Variants in NTF3 observed in about 807,000 individuals in gnomAD.
NTF3 encodes the protein neurotrophin 3.
NTF3 carries 8 observed loss-of-function variants against 26.3 expected under a neutral mutation model. The observed-to-expected ratio is 0.30, with a 90% CI of 0.18 to 0.55. The LOEUF is 0.55. Among genes scored for constraint, NTF3 ranks in the 20% least tolerant of loss-of-function variants. The probability of loss-of-function intolerance (pLI) is 0.93; values close to 1 mark genes in which losing one functional copy is unlikely to be tolerated. For missense variants in NTF3, 276 were observed against 352.9 expected (o/e 0.78, Z 1.75); for synonymous variants, 154 against 145.5 (o/e 1.06, Z -0.42).
chr12:5,476,808 A>G (rs1378542347), intron 1 of NTF3, among the ~76,000 whole-genome samples: 1 of 152,202 alleles, frequency 6.6e-6, no homozygotes, highest in African/African-American at 2.4e-5. Context: ...TAATATAAGG[A>G]GAGAAAGCCT....
intron 1 of NTF3, among the ~76,000 whole-genome samples, chr12:5,439,423 G>A (rs1940210920): frequency 6.6e-6 from 1 of 152,200 alleles, no homozygotes; most frequent in Non-Finnish European, 1.5e-5. Context: ...TTATGTCTGT[G>A]ATGTCATCCA....
chr12:5,443,574 G>C lies in NTF3; in HGVS notation c.18+11232G>C, dbSNP rs370533117. ...TGCATGGTGCTTTGCGTCCAAGATA[G>C]CTACCCCAAAAGAAATTGTATTAGT... On this transcript the variant is annotated intron_variant, in intron 1 of 1. Transcript: ENST00000423158. Among the ~76,000 whole-genome samples, 3 of 152,282 alleles carry C rather than the reference G, an allele frequency of 2.0e-5. No homozygotes were observed. In the South Asian group the frequency reaches 6.2e-4, roughly 32 times the overall value.
chr12:5,492,501 A>C (rs1940950246), intron 1 of NTF3, among the ~76,000 whole-genome samples: 1 of 152,230 alleles, frequency 6.6e-6, no homozygotes, highest in Admixed American at 6.5e-5. Flanking sequence ...ATATTGAAGA[A>C]AATGTCACTT....
intron 1 of NTF3, among the ~76,000 whole-genome samples, chr12:5,435,829 T>C (rs1358457670): frequency 6.6e-6 from 1 of 151,710 alleles, no homozygotes; most frequent in African/African-American, 2.4e-5. Flanking sequence ...GGGGTGGGTA[T>C]GCATGCAGGT....
Position 5,464,749 on chromosome 12 carries a change from T to G in NTF3, c.19-29445T>G, listed in dbSNP as rs1215036278. Among the ~76,000 whole-genome samples the G allele has an allele frequency of 2.6e-5, 4 of 152,212 alleles. No homozygotes were observed. The East Asian group carries it at 5.8e-4, about 22-fold the overall frequency. ...TCTCTCTTACTTGCACTTACATGAA[T>G]TCATATGAATTCAGTATTACATGAG... On this transcript the variant is annotated intron_variant, in intron 1 of 1. Transcript: ENST00000423158.
At chr12:5,477,990 G>A (rs1044574491) in intron 1 of NTF3, among the ~76,000 whole-genome samples, 4 of 152,150 alleles carry the variant, frequency 2.6e-5, no homozygotes, top group Admixed American at 6.5e-5. Context: ...GACTGCTTTC[G>A]TCTCAAAGCA....
chr12:5,452,894 G>A (rs916753460), intron 1 of NTF3, among the ~76,000 whole-genome samples: 2 of 151,964 alleles, frequency 1.3e-5, no homozygotes, highest in African/African-American at 4.8e-5. Context: ...TCCCCACCCC[G>A]ACCTTACAGC....
Position 5,432,250 on chromosome 12 carries a change from G to A in NTF3, c.-75G>A. ...GGGTAGTGGCTGCGGCGGGGTGGGG[G>A]AGACTTTGAATGACCGAGCTCGCGT... On this transcript the variant is annotated 5_prime_UTR_variant, in exon 1 of 2. Transcript: ENST00000423158. The A allele has an allele frequency of 6.5e-7, 1 of 1,527,816 alleles. No individual in the cohort carries two copies. The highest frequency in any genetic ancestry group is 9.1e-7 in the Non-Finnish European group (1 of 1,103,672). The allele number at this position is 1,527,816 out of a possible 1,614,324, so 94.6% of individuals were successfully genotyped here. A position where few individuals can be genotyped will look rare whatever the true frequency, so the allele number is the denominator to read the frequency against.
chr12:5,438,875 C>T (rs949606544), intron 1 of NTF3, among the ~76,000 whole-genome samples: 3 of 152,190 alleles, frequency 2.0e-5, no homozygotes, highest in Non-Finnish European at 4.4e-5. Context: ...TGTAGGATTC[C>T]ACAGTAGCCA....
At chr12:5,437,130 G>A (rs891895751) in intron 1 of NTF3, among the ~76,000 whole-genome samples, 13 of 152,188 alleles carry the variant, frequency 8.5e-5, no homozygotes, top group South Asian at 2.1e-4. Context: ...AGATGGAGTC[G>A]TAGAGGGGCA....
At chr12:5,472,893 C>T (rs571610842) in intron 1 of NTF3, among the ~76,000 whole-genome samples, 2 of 152,304 alleles carry the variant, frequency 1.3e-5, no homozygotes, top group African/African-American at 4.8e-5. Context: ...CAATTTATCC[C>T]TAGAGCCATT....
chr12:5,459,746 C>T (rs553973411), intron 1 of NTF3, among the ~76,000 whole-genome samples: 2 of 152,316 alleles, frequency 1.3e-5, no homozygotes, highest in Admixed American at 1.3e-4. Context: ...TCAGCAGGAC[C>T]TTCGAGGGGC....
intron 1 of NTF3, among the ~76,000 whole-genome samples, chr12:5,484,374 G>T (rs1042469208): frequency 1.3e-5 from 2 of 152,130 alleles, no homozygotes; most frequent in African/African-American, 4.8e-5. Flanking sequence ...GTCTGGAGAA[G>T]AAATGACTTA....
chr12:5,495,042 G>A lies in NTF3; in HGVS notation c.*54G>A. ...TTACTTTAAATTATATGATATGCAT[G>A]TAGCATATAAATGTTTATATTGTTT... is the stretch of plus-strand genomic sequence containing the variant. On this transcript the variant is annotated 3_prime_UTR_variant, in exon 2 of 2. Coordinates refer to ENST00000423158, the MANE Select transcript of NTF3 (RefSeq NM_001102654.2). The A allele has an allele frequency of 6.9e-7, 1 of 1,457,306 alleles. No homozygotes were observed. Among genetic ancestry groups the A allele is most frequent in the Non-Finnish European group, 9.4e-7 (1 of 1,064,400 alleles). The allele number at this position is 1,457,306 out of a possible 1,614,324, so 90.3% of individuals were successfully genotyped here. A position where few individuals can be genotyped will look rare whatever the true frequency, so the allele number is the denominator to read the frequency against.
At chr12:5,489,020 C>T (rs777791954) in intron 1 of NTF3, among the ~76,000 whole-genome samples, 1 of 152,210 alleles carries the variant, frequency 6.6e-6, no homozygotes, top group Non-Finnish European at 1.5e-5. Context: ...TTGTAAGTCA[C>T]CCAGATTTCC....
At chr12:5,468,316 G>C (rs1940617877) in intron 1 of NTF3, among the ~76,000 whole-genome samples, 1 of 152,132 alleles carries the variant, frequency 6.6e-6, no homozygotes, top group South Asian at 2.1e-4. Flanking sequence ...CTCCAAATCA[G>C]TATCTTAATG....
chr12:5,480,485 C>T (rs975448282), intron 1 of NTF3, among the ~76,000 whole-genome samples: 1 of 152,164 alleles, frequency 6.6e-6, no homozygotes, highest in African/African-American at 2.4e-5. Flanking sequence ...AGGAGGGTCT[C>T]CCTGCAGCTG....
chr12:5,436,302 ATT>A (rs1285413857), intron 1 of NTF3, among the ~76,000 whole-genome samples: 1 of 152,156 alleles, frequency 6.6e-6, no homozygotes, highest in Non-Finnish European at 1.5e-5. Context: ...GGTCTACCTT[ATT>A]TTTGAGAGGG....
chr12:5,461,985 G>A (rs1044323479), intron 1 of NTF3, among the ~76,000 whole-genome samples: 1 of 152,244 alleles, frequency 6.6e-6, no homozygotes, highest in African/African-American at 2.4e-5. Flanking sequence ...TTAAAAGAAT[G>A]TGGTAGAAAA....
Sources: gnomAD v4.1 joint callset for allele counts (sites outside exome capture counted in the v4.1 genomes callset) on GRCh38, gnomAD v4.1.1 for gene constraint, MANE v1.5 for transcripts, NCBI Gene and HGNC (gene_info 2026-07-23, HGNC 2026-07-21) for gene names.